LRRC37A2: variants seen among roughly 807,000 people sequenced by gnomAD.
LRRC37A2 encodes leucine rich repeat containing 37 member A2, also known as leucine-rich repeat-containing protein 37A2.
Under a neutral mutation model 68.8 loss-of-function variants are expected in LRRC37A2, and 9 were observed. The ratio of observed to expected loss-of-function variants is 0.13; its 90% CI spans 0.08 to 0.23. The LOEUF is 0.23. Among genes scored for constraint, LRRC37A2 ranks in the 10% least tolerant of loss-of-function variants. LRRC37A2 has a pLI of 1.00. For synonymous variants in LRRC37A2, 63 were observed against 367.6 expected (o/e 0.17, Z 9.48); for missense variants, 168 against 950.4 (o/e 0.18, Z 10.82).
chr17:46,543,597 A>G (rs1235880053), intron 8 of LRRC37A2, among the ~76,000 whole-genome samples: 3 of 150,806 alleles, frequency 2.0e-5, no homozygotes, highest in Non-Finnish European at 4.4e-5. Context: ...TGCACACTGA[A>G]GTCTTCAATG....
the LRRC37A2 span, among the ~76,000 whole-genome samples, chr17:46,770,221 C>A: frequency 5.3e-5 from 8 of 152,204 alleles, no homozygotes; most frequent in African/African-American, 1.9e-4. Context: ...TGGTTTAGAC[C>A]CAGTTGGGTA....
the LRRC37A2 span, among the ~76,000 whole-genome samples, chr17:46,458,712 T>G: frequency 9.6e-6 from 1 of 104,622 alleles, no homozygotes; most frequent in African/African-American, 3.3e-5. Context: ...CAGCTAATTT[T>G]GTATTTTTAC....
chr17:46,854,150 T>C, the LRRC37A2 span, among the ~76,000 whole-genome samples: 1 of 152,124 alleles, frequency 6.6e-6, no homozygotes, highest in Non-Finnish European at 1.5e-5. Flanking sequence ...GGCCTCATGA[T>C]GTTAAGTGTT....
At chr17:46,837,978 G>C in the LRRC37A2 span, among the ~76,000 whole-genome samples, 5 of 152,262 alleles carry the variant, frequency 3.3e-5, no homozygotes, top group Non-Finnish European at 5.9e-5. Context: ...TTTTCCACGT[G>C]TACATCACCG....
chr17:47,024,609 A>G, the LRRC37A2 span: 12 of 1,016,722 alleles, frequency 1.2e-5, no homozygotes, highest in Non-Finnish European at 1.9e-5. Flanking sequence ...CTCCACATGC[A>G]GGAGACAGTC....
the LRRC37A2 span, among the ~76,000 whole-genome samples, chr17:46,837,390 A>C: frequency 1.1e-3 from 160 of 152,246 alleles, no homozygotes; most frequent in African/African-American, 3.6e-3. Context: ...TTGGAGTATA[A>C]ATGGGAGAAT....
the LRRC37A2 span, among the ~76,000 whole-genome samples, chr17:47,036,464 A>G: frequency 5.3e-5 from 8 of 152,170 alleles, no homozygotes; most frequent in Non-Finnish European, 8.8e-5. Context: ...GAGTCTTATC[A>G]TTTTGGCTCT....
the LRRC37A2 span, among the ~76,000 whole-genome samples, chr17:46,993,218 C>G: frequency 6.6e-6 from 1 of 152,330 alleles, no homozygotes; most frequent in African/African-American, 2.4e-5. Context: ...AGAGGAGCAT[C>G]TAATCAAACA....
the LRRC37A2 span, chr17:46,872,889 C>T: frequency 2.4e-5 from 30 of 1,235,538 alleles, no homozygotes; most frequent in Non-Finnish European, 3.2e-5. Context: ...GCCACACTGC[C>T]CTTCCTGCCC....
the LRRC37A2 span, among the ~76,000 whole-genome samples, chr17:46,707,925 C>T: frequency 1.2e-3 from 182 of 151,186 alleles, 2 homozygotes; most frequent in Non-Finnish European, 3.2e-4. Flanking sequence ...CCCAGCTACT[C>T]GGGAGGCTGA....
intron 6 of LRRC37A2, among the ~76,000 whole-genome samples, chr17:46,533,290 A>T (rs778256070): frequency 1.0e-3 from 86 of 85,852 alleles, no homozygotes; most frequent in Middle Eastern, 5.1e-3. Flanking sequence ...GGTGGTGCGC[A>T]CCTGTAGTCT....
the LRRC37A2 span, among the ~76,000 whole-genome samples, chr17:46,805,731 A>G: frequency 2.0e-5 from 3 of 152,216 alleles, no homozygotes; most frequent in Non-Finnish European, 2.9e-5. Context: ...AGCCTGGGCA[A>G]CAGAGCAAGA....
the LRRC37A2 span, among the ~76,000 whole-genome samples, chr17:46,901,438 G>T: frequency 1.0e-3 from 159 of 151,964 alleles, 1 homozygote; most frequent in African/African-American, 3.8e-3. Context: ...CTGGGATTAC[G>T]GCATGAGCCA....
the LRRC37A2 span, among the ~76,000 whole-genome samples, chr17:46,777,750 A>G: frequency 5.9e-5 from 9 of 152,242 alleles, no homozygotes; most frequent in African/African-American, 1.9e-4. Context: ...AAACTGAGGC[A>G]TGGAGTAGTT....
the LRRC37A2 span, among the ~76,000 whole-genome samples, chr17:46,913,653 C>T: frequency 1.3e-5 from 2 of 152,192 alleles, no homozygotes; most frequent in Non-Finnish European, 2.9e-5. Context: ...AGGCCAGTAC[C>T]GAGGGCTCTG....
the LRRC37A2 span, among the ~76,000 whole-genome samples, chr17:46,953,093 A>G: frequency 6.6e-6 from 1 of 152,022 alleles, no homozygotes; most frequent in Non-Finnish European, 1.5e-5. Context: ...CATGTACACA[A>G]TGTGCAGGTT....
intron 8 of LRRC37A2, among the ~76,000 whole-genome samples, chr17:46,543,605 A>G (rs1302920854): frequency 1.3e-5 from 2 of 150,900 alleles, no homozygotes; most frequent in South Asian, 2.1e-4. Context: ...GAAGTCTTCA[A>G]TGGTGAAGGG....
chr17:46,872,328 G>A, the LRRC37A2 span, among the ~76,000 whole-genome samples: 3 of 152,212 alleles, frequency 2.0e-5, no homozygotes, highest in African/African-American at 7.2e-5. Flanking sequence ...ACAGGTTTAA[G>A]GTCCTGCAGC....
the LRRC37A2 span, among the ~76,000 whole-genome samples, chr17:46,468,377 GA>G: frequency 3.6e-4 from 7 of 19,432 alleles, no homozygotes; most frequent in African/African-American, 1.4e-3. Context: ...CAACCTTGAA[GA>G]AAAAAAAAAC....
Sources: gnomAD v4.1 joint callset for allele counts (sites outside exome capture counted in the v4.1 genomes callset) on GRCh38, gnomAD v4.1.1 for gene constraint, MANE v1.5 for transcripts, NCBI Gene and HGNC (gene_info 2026-07-23, HGNC 2026-07-21) for gene names.